CRISPLD1: variants seen among roughly 807,000 people sequenced by gnomAD.
CRISPLD1 encodes cysteine-rich secretory protein LCCL domain-containing 1.
Under a neutral mutation model 77.5 loss-of-function variants are expected in CRISPLD1, and 60 were observed. The observed-to-expected ratio is 0.77, with a 90% CI of 0.63 to 0.96. The LOEUF (loss-of-function observed/expected upper bound fraction) is 0.96, where lower values mean the gene tolerates loss of function less well. Ranked by LOEUF, CRISPLD1 falls within the 40% of genes least tolerant of loss-of-function variation. The probability of loss-of-function intolerance (pLI) is 0.00; values close to 1 mark genes in which losing one functional copy is unlikely to be tolerated. For missense variants in CRISPLD1, 623 were observed against 615.8 expected (o/e 1.01, Z -0.12); for synonymous variants, 195 against 200.1 (o/e 0.97, Z 0.22).
intron 2 of CRISPLD1, among the ~76,000 whole-genome samples, chr8:75,009,230 C>A (rs770177850): frequency 3.5e-4 from 53 of 152,000 alleles, no homozygotes; most frequent in Non-Finnish European, 6.5e-4. Context: ...GAACTCACAT[C>A]TCTGGAGTTC....
At chr8:75,010,437 T>C (rs1361413738) in intron 2 of CRISPLD1, among the ~76,000 whole-genome samples, 2 of 152,138 alleles carry the variant, frequency 1.3e-5, no homozygotes, top group African/African-American at 4.8e-5. Context: ...ATCTCATCTA[T>C]AGCTTCTGCC....
intron 13 of CRISPLD1, 49 bp downstream of exon 13, chr8:75,025,670 A>C: frequency 1.1e-6 from 1 of 945,860 alleles, no homozygotes; most frequent in Non-Finnish European, 1.7e-6. Flanking sequence ...ATATATATAA[A>C]TGTATAGACA....
rs1023487010 is a variant in CRISPLD1, at chr8:75,033,393, T to C, written c.*1151T>C. On this transcript the variant is annotated 3_prime_UTR_variant, in exon 15 of 15. Transcript: ENST00000262207. Reference sequence around the variant, plus strand: ...ATTATTGTAAGTCTTCTAAACTTGGTTTATTGACGTTAGTATAAATAACAT... The same window carrying C: ...ATTATTGTAAGTCTTCTAAACTTGGCTTATTGACGTTAGTATAAATAACAT... 1.3e-5 allele frequency: 2 copies of C among 152,040 alleles called. No individual in the cohort carries two copies. Among genetic ancestry groups the C allele is most frequent in the Admixed American group, 6.6e-5 (1 of 15,252 alleles). 9.4% of individuals were successfully genotyped at this position (152,040 alleles called of 1,614,324 possible). A position where few individuals can be genotyped will look rare whatever the true frequency, so the allele number is the denominator to read the frequency against.
Position 75,016,665 on chromosome 8 carries a change from T to C in CRISPLD1, c.828T>C (p.Asp276=). 1.9e-6 allele frequency: 3 copies of C among 1,613,150 alleles called. No homozygotes were observed. Among genetic ancestry groups the C allele is most frequent in the Non-Finnish European group, 2.5e-6 (3 of 1,179,400 alleles). Residue 276 remains aspartate (D), a synonymous_variant, in exon 7 of 15, where the codon GAT becomes GAC. Coordinates refer to ENST00000262207, the MANE Select transcript of CRISPLD1 (RefSeq NM_031461.6). ...VHDTHVRTRS[D]DSSRNEVISA... ...ACACCCATGTCCGGACAAGATCAGA[T>C]GATAGTAGCAGAAATGAAGTCATAA...
intron 5 of CRISPLD1, 71 bp downstream of exon 5, chr8:75,014,173 A>G: frequency 1.1e-6 from 1 of 934,088 alleles, no homozygotes; most frequent in African/African-American, 1.6e-5. Context: ...TACGTTCCTG[A>G]TTGTTCCCCA....
rs3033047 is a variant in CRISPLD1, at chr8:74,989,541, G to GTTT, written c.258+3306_258+3308dup. Among the ~76,000 whole-genome samples the GTTT allele has an allele frequency of 3.5e-4, 51 of 147,548 alleles. No individual in the cohort carries two copies. In the East Asian group the frequency reaches 8.6e-3, roughly 25 times the overall value. ...TTATATGTTTATTGGCCATTTTTATGTTTTTTTTTTTTATTTGAAAAATGT... is the reference window on the plus strand; with the variant it reads ...TTATATGTTTATTGGCCATTTTTATGTTTTTTTTTTTTTTTATTTGAAAAATGT... On this transcript the variant is annotated intron_variant, in intron 2 of 14. Transcript: ENST00000262207.
At chr8:75,006,033 C>A (rs930772273) in intron 2 of CRISPLD1, among the ~76,000 whole-genome samples, 1 of 152,022 alleles carries the variant, frequency 6.6e-6, no homozygotes, top group East Asian at 1.9e-4. Flanking sequence ...GAACATTGTA[C>A]CCAATTACCA....
Position 74,985,083 on chromosome 8 carries a change from A to G in CRISPLD1, c.-63+163A>G, listed in dbSNP as rs72669287. Among the ~76,000 whole-genome samples the G allele has an allele frequency of 0.071, 10,769 of 151,638 alleles. 429 individuals carry two copies. The highest frequency in any genetic ancestry group is 0.095 in the South Asian group (453 of 4,780). On this transcript the variant is annotated intron_variant, in intron 1 of 14. Transcript: ENST00000262207. ...TACCCGGAAAGCAGCGACGATAGAA[A>G]TTAGCGGGAGCTCTAGTTCTTGTAA...
chr8:74,993,335 T>C (rs1478182037), intron 2 of CRISPLD1, among the ~76,000 whole-genome samples: 1 of 152,192 alleles, frequency 6.6e-6, no homozygotes, highest in African/African-American at 2.4e-5. Context: ...ATCTCTGACA[T>C]ATAGTATCTG....
At chr8:74,988,046 G>T (rs766261849) in intron 2 of CRISPLD1, among the ~76,000 whole-genome samples, 6 of 152,112 alleles carry the variant, frequency 3.9e-5, no homozygotes, top group Non-Finnish European at 8.8e-5. Flanking sequence ...ATGTTGTGTT[G>T]CCCTTAGATA....
chr8:74,990,403 G>A (rs186303515), intron 2 of CRISPLD1, among the ~76,000 whole-genome samples: 6 of 152,084 alleles, frequency 3.9e-5, no homozygotes, highest in Non-Finnish European at 7.4e-5. Context: ...CCATTGCTTG[G>A]TTCTTCCATA....
At chr8:74,999,041 T>A (rs1398317844) in intron 2 of CRISPLD1, among the ~76,000 whole-genome samples, 1 of 152,170 alleles carries the variant, frequency 6.6e-6, no homozygotes, top group African/African-American at 2.4e-5. Flanking sequence ...TACAGATGGT[T>A]GTACAGGAAT....
chr8:75,007,882 T>C lies in CRISPLD1; in HGVS notation c.259-4551T>C, dbSNP rs187757795. On this transcript the variant is annotated intron_variant, in intron 2 of 14. Transcript: ENST00000262207. Reference sequence around the variant, plus strand: ...TTTTGTAAAGACAGGTCTCCACATATTGCCCAGGCTGGTCTGGAACTCCTG... The same window carrying C: ...TTTTGTAAAGACAGGTCTCCACATACTGCCCAGGCTGGTCTGGAACTCCTG... 9.4e-4 allele frequency among the ~76,000 whole-genome samples: 143 copies of C among 152,064 alleles called. No individual in the cohort carries two copies. The Middle Eastern group carries it at 0.02, about 22-fold the overall frequency.
At chr8:75,020,857 T>C (rs1026925365) in intron 12 of CRISPLD1, among the ~76,000 whole-genome samples, 1 of 152,156 alleles carries the variant, frequency 6.6e-6, no homozygotes, top group African/African-American at 2.4e-5. Flanking sequence ...ATATTCTCTT[T>C]TACAAGATTA....
chr8:75,019,691 C>A (rs909273152), intron 10 of CRISPLD1, among the ~76,000 whole-genome samples, 179 bp from the exon 11 acceptor site: 4 of 151,880 alleles, frequency 2.6e-5, no homozygotes, highest in Non-Finnish European at 5.9e-5. Flanking sequence ...TTGGTTAATA[C>A]CTGATGGTAA....
Position 75,017,399 on chromosome 8 carries a change from G to A in CRISPLD1, c.1076G>A (p.Gly359Glu). The change falls in exon 10 of 15, where the codon GGA becomes GAA. Residue 359 changes from glycine (G) to glutamate (E), a missense_variant. Physicochemically the swap from Gly to Glu is moderately conservative, Grantham distance 98. Transcript: ENST00000262207. ...DGGWVDITRQ[G>E]RKHYFIKSNR... Reference sequence around the variant, plus strand: ...GGCTGGGTAGATATCACTAGACAAGGAAGAAAGCATTATTTCATCAAGTCC... The same window carrying A: ...GGCTGGGTAGATATCACTAGACAAGAAAGAAAGCATTATTTCATCAAGTCC... 1.9e-6 allele frequency: 3 copies of A among 1,610,812 alleles called. No homozygotes were observed. Among genetic ancestry groups the A allele is most frequent in the Non-Finnish European group, 2.5e-6 (3 of 1,178,482 alleles).
chr8:75,000,496 C>G, intron 2 of CRISPLD1: 1 of 892,860 alleles, frequency 1.1e-6, no homozygotes, highest in Non-Finnish European at 1.3e-6. Flanking sequence ...ATTTTTGATG[C>G]TGAACAAATC....
rs148815635 is a variant in CRISPLD1, at chr8:74,990,597, A to G, written c.258+4352A>G. 3.2e-3 allele frequency among the ~76,000 whole-genome samples: 440 copies of G among 136,310 alleles called. 3 individuals carry two copies. Among genetic ancestry groups the G allele is most frequent in the African/African-American group, 0.012 (388 of 32,104 alleles). The allele number at this position is 136,310 out of a possible 152,430, so 89.4% of individuals were successfully genotyped here. On this transcript the variant is annotated intron_variant, in intron 2 of 14. Coordinates refer to ENST00000262207, the MANE Select transcript of CRISPLD1 (RefSeq NM_031461.6). ...TTTGAGCTTCATTTTTATGTTTCCT[A>G]CTGCCCATTGGACCATTCCATGTAC...
At chr8:74,985,610 T>G (rs1328040973) in intron 1 of CRISPLD1, among the ~76,000 whole-genome samples, 1 of 152,226 alleles carries the variant, frequency 6.6e-6, no homozygotes, top group Non-Finnish European at 1.5e-5. Context: ...GTATAGCCAC[T>G]TAAAGTCTTG....
Sources: allele counts gnomAD v4.1 joint callset (sites outside exome capture counted in the v4.1 genomes callset), GRCh38; gene constraint gnomAD v4.1.1; transcripts MANE v1.5; gene names NCBI Gene and HGNC (gene_info 2026-07-23, HGNC 2026-07-21).